COL23A1: variants seen among roughly 807,000 people sequenced by gnomAD.
COL23A1 encodes collagen type XXIII alpha 1 chain, also known as collagen alpha-1(XXIII) chain.
A neutral mutation model predicts 99.3 loss-of-function variants in COL23A1; 97 were observed. The observed-to-expected ratio is 0.98, with a 90% CI of 0.83 to 1.16. The LOEUF is 1.16. Among genes scored for constraint, COL23A1 ranks in the 50% most tolerant of loss-of-function variants. The pLI, the probability that COL23A1 is intolerant of heterozygous loss-of-function variation, is 0.00. For synonymous variants in COL23A1, 320 were observed against 308.2 expected (o/e 1.04, Z -0.40); for missense variants, 762 against 757.4 (o/e 1.01, Z -0.07).
intron 25 of COL23A1, among the ~76,000 whole-genome samples, chr5:178,244,213 T>A (rs1274515813): frequency 6.6e-6 from 1 of 151,482 alleles, no homozygotes; most frequent in Non-Finnish European, 1.5e-5. Context: ...ATGGTCTCTA[T>A]CTCTTGACCT....
At chr5:178,571,896 C>A (rs1409896627) in intron 1 of COL23A1, among the ~76,000 whole-genome samples, 1 of 151,914 alleles carries the variant, frequency 6.6e-6, no homozygotes, top group Non-Finnish European at 1.5e-5. Context: ...GGTGAAACCC[C>A]GTCTCTACTA....
intron 5 of COL23A1, among the ~76,000 whole-genome samples, chr5:178,276,101 G>A (rs891056393): frequency 3.3e-5 from 5 of 152,216 alleles, no homozygotes; most frequent in Non-Finnish European, 5.9e-5. Context: ...CATTCGGGAT[G>A]TGGAGTATGG....
At chr5:178,332,047 T>C (rs948043095) in intron 2 of COL23A1, among the ~76,000 whole-genome samples, 1 of 152,176 alleles carries the variant, frequency 6.6e-6, no homozygotes, top group Non-Finnish European at 1.5e-5. Context: ...GGCCTGGCAC[T>C]GTGTGCTCAG....
chr5:178,527,659 T>TG (rs1409562607), intron 2 of COL23A1, among the ~76,000 whole-genome samples: 2 of 152,208 alleles, frequency 1.3e-5, no homozygotes, highest in Admixed American at 1.3e-4. Context: ...ACATCCCCAG[T>TG]GGGGCACAAC....
At chr5:178,581,687 T>G (rs1404135879) in intron 1 of COL23A1, among the ~76,000 whole-genome samples, 1 of 152,138 alleles carries the variant, frequency 6.6e-6, no homozygotes, top group African/African-American at 2.4e-5. Flanking sequence ...CCACTGACTG[T>G]ACCATTATCT....
Position 178,308,193 on chromosome 5 carries a change from G to T in COL23A1, c.362-1274C>A, listed in dbSNP as rs938995548. Among the ~76,000 whole-genome samples, 3 of 152,124 alleles carry T rather than the reference G, an allele frequency of 2.0e-5. No individual in the cohort carries two copies. The highest frequency in any genetic ancestry group is 4.4e-5 in the Non-Finnish European group (3 of 68,022). ...AAGGGAAGGGGAGGAGGGAGGGCCA[G>T]TCTCTGAGAAACAGCGAGAGAGAAG... On this transcript the variant is annotated intron_variant, in intron 2 of 28. Coordinates refer to ENST00000390654, the MANE Select transcript of COL23A1 (RefSeq NM_173465.4). This position sits in a 1 kb window ranked among gnomAD's most constrained non-coding sequence, Gnocchi z 5.1.
In COL23A1 at chr5:178,497,524, C is replaced by G. The variant is rs185149640; in HGVS notation, c.361+63158G>C. The stretch of plus-strand genomic sequence containing the variant: ...AAGGCAAGGCCCTGTGGATGAGAGT[C>G]AGGAGAAACAAGAAGCAACAAAGAT... On this transcript the variant is annotated intron_variant, in intron 2 of 28. Transcript: ENST00000390654. 2.3e-3 allele frequency among the ~76,000 whole-genome samples: 344 copies of G among 152,292 alleles called. 3 individuals are homozygous for G. In the Middle Eastern group the frequency reaches 0.027, roughly 12 times the overall value.
chr5:178,308,004 GGTGTCTGTGTGTGTCTGTTTGCAT>G lies in COL23A1; in HGVS notation c.362-1109_362-1086del, dbSNP rs375378808. Among the ~76,000 whole-genome samples the G allele has an allele frequency of 0.011, 1,728 of 152,174 alleles. 32 individuals are homozygous for G. The highest frequency in any genetic ancestry group is 0.04 in the African/African-American group (1,651 of 41,522). On this transcript the variant is annotated intron_variant, in intron 2 of 28. Transcript: ENST00000390654. This position sits in a 1 kb window ranked among gnomAD's most constrained non-coding sequence, Gnocchi z 5.1. Reference sequence around the variant, plus strand: ...GTGGCAGGATGGAAAAATGAGTGTGGGTGTCTGTGTGTGTCTGTTTGCATGTGTCTGTGTGTGTCTCTATGTATG... The same window carrying G: ...GTGGCAGGATGGAAAAATGAGTGTGGGTGTCTGTGTGTGTCTCTATGTATG...
At chr5:178,550,509 T>C (rs1409225171) in intron 2 of COL23A1, among the ~76,000 whole-genome samples, 2 of 152,314 alleles carry the variant, frequency 1.3e-5, no homozygotes, top group South Asian at 2.1e-4. Flanking sequence ...CACGGCTTTA[T>C]GGTTTCTGAC....
rs769222935 is a variant in COL23A1 at position 178,242,113 on chromosome 5, G to T, written c.1510C>A (p.Pro504Thr). The change falls in exon 27 of 29, where the codon CCC becomes ACC. Residue 504 changes from proline (P) to threonine (T), a missense_variant. Pro to Thr is a conservative substitution (Grantham distance 38). Transcript: ENST00000390654. ...TGGCCCTTCACTCCTTTCCGGCCGGGGACCCCTCGTTCTCCCTGTGCAGGA... is the reference window on the plus strand; with the variant it reads ...TGGCCCTTCACTCCTTTCCGGCCGGTGACCCCTCGTTCTCCCTGTGCAGGA... ...ERGEKGERGV[P>T]GRKGVKGQKG... The T allele has an allele frequency of 6.4e-7, 1 of 1,553,190 alleles. No individual in the cohort carries two copies. The highest frequency in any genetic ancestry group is 1.2e-5 in the South Asian group (1 of 84,222).
At chr5:178,454,547 T>C (rs1767663151) in intron 2 of COL23A1, among the ~76,000 whole-genome samples, 2 of 152,210 alleles carry the variant, frequency 1.3e-5, no homozygotes, top group Admixed American at 6.5e-5. Context: ...ATTTAACATC[T>C]GTGGGCCTCA....
chr5:178,499,542 C>A (rs1758410367), intron 2 of COL23A1, among the ~76,000 whole-genome samples: 1 of 152,226 alleles, frequency 6.6e-6, no homozygotes, highest in African/African-American at 2.4e-5. Context: ...CTGACCAGTA[C>A]TCCTCAAAAC....
chr5:178,505,738 C>T (rs1184131480), intron 2 of COL23A1, among the ~76,000 whole-genome samples: 1 of 152,098 alleles, frequency 6.6e-6, no homozygotes, highest in Non-Finnish European at 1.5e-5. Context: ...AGGTAATCTG[C>T]AGACAAACAA....
chr5:178,493,231 C>CTAA (rs1562021113), intron 2 of COL23A1, among the ~76,000 whole-genome samples: 2 of 152,324 alleles, frequency 1.3e-5, no homozygotes, highest in East Asian at 3.9e-4. Flanking sequence ...GAAATCTCTT[C>CTAA]CCCAGGCCAT....
intron 2 of COL23A1, among the ~76,000 whole-genome samples, chr5:178,410,770 A>G (rs151120372): frequency 6.0e-4 from 92 of 152,368 alleles, no homozygotes; most frequent in African/African-American, 2.1e-3. Flanking sequence ...CTTCATCAAA[A>G]TGCAGTACAA....
chr5:178,284,071 C>T (rs1209271763), intron 5 of COL23A1, among the ~76,000 whole-genome samples: 2 of 152,162 alleles, frequency 1.3e-5, no homozygotes, highest in Non-Finnish European at 2.9e-5. Flanking sequence ...GATTACTACC[C>T]CAAAATGCAA....
In COL23A1 at chr5:178,308,061, G is replaced by T. The variant is rs1758461866; in HGVS notation, c.362-1142C>A. Among the ~76,000 whole-genome samples the T allele has an allele frequency of 6.6e-6, 1 of 151,924 alleles. No individual in the cohort carries two copies. The highest frequency in any genetic ancestry group is 2.4e-5 in the African/African-American group (1 of 41,208). On this transcript the variant is annotated intron_variant, in intron 2 of 28. Coordinates refer to ENST00000390654, the MANE Select transcript of COL23A1 (RefSeq NM_173465.4). The surrounding 1 kb of genome is among the most constrained non-coding windows in gnomAD (Gnocchi z 5.1). ...TGTGTGTCTCTATGTATGTGTGTTT[G>T]TGTGCATGTGTGTGTCTGTGTTTTT...
chr5:178,582,252 G>GC (rs1763700245), intron 1 of COL23A1, among the ~76,000 whole-genome samples: 1 of 150,226 alleles, frequency 6.7e-6, no homozygotes, highest in Non-Finnish European at 1.5e-5. Flanking sequence ...AGAAGGATGG[G>GC]CAAGCCATTA....
chr5:178,556,938 A>G (rs951157319), intron 2 of COL23A1, among the ~76,000 whole-genome samples: 2 of 152,188 alleles, frequency 1.3e-5, no homozygotes, highest in Non-Finnish European at 2.9e-5. Flanking sequence ...GGGCAACAAG[A>G]GTGAAACGCT....
Sources: gnomAD v4.1 joint callset for allele counts (sites outside exome capture counted in the v4.1 genomes callset) on GRCh38, gnomAD v4.1.1 for gene constraint, Gnocchi (gnomAD v3.1) non-coding constraint, MANE v1.5 for transcripts, NCBI Gene and HGNC (gene_info 2026-07-23, HGNC 2026-07-21) for gene names.